SSBP2: variants seen among roughly 807,000 people sequenced by gnomAD.
SSBP2 encodes the protein single stranded DNA binding protein 2, also known as single-stranded DNA-binding protein 2.
SSBP2 carries 17 observed loss-of-function variants against 61.8 expected under a neutral mutation model. The observed-to-expected ratio is 0.28, with a 90% CI of 0.19 to 0.41. The LOEUF is 0.41. Among genes scored for constraint, SSBP2 ranks in the 10% least tolerant of loss-of-function variants. SSBP2 has a pLI of 1.00. For synonymous variants in SSBP2, 139 were observed against 141.3 expected (o/e 0.98, Z 0.12); for missense variants, 310 against 458.7 (o/e 0.68, Z 2.96).
At chr5:81,699,656 T>TC (rs1753830515) in intron 1 of SSBP2, among the ~76,000 whole-genome samples, 1 of 152,140 alleles carries the variant, frequency 6.6e-6, no homozygotes. Flanking sequence ...CTTGAAACCC[T>TC]CCAAGTCATC....
chr5:81,652,755 AT>A (rs59159556), intron 1 of SSBP2, among the ~76,000 whole-genome samples: 15,439 of 148,004 alleles, frequency 0.1, 2,022 homozygotes, highest in African/African-American at 0.31. Context: ...GCAATCTCCA[AT>A]TTTTTTTTTT....
intron 4 of SSBP2, chr5:81,615,249 A>C: frequency 2.5e-6 from 1 of 398,566 alleles, no homozygotes. Flanking sequence ...AAATTTCTTT[A>C]ATAGCTTAGA....
At position 81,556,479 on chromosome 5, in the gene SSBP2, G is replaced by C. The variant is rs185554417; in HGVS notation, c.283-42762C>G. 9.2e-4 allele frequency among the ~76,000 whole-genome samples: 140 copies of C among 152,234 alleles called. 1 individual carries two copies. Among genetic ancestry groups the C allele is most frequent in the African/African-American group, 3.1e-3 (128 of 41,564 alleles). On this transcript the variant is annotated intron_variant, in intron 4 of 16. Transcript: ENST00000320672. ...ATTTTAGTCCCTGTTTCGAATCCATGAAAGAGAAATTGATATTGAAGGAGT... is the reference window on the plus strand; with the variant it reads ...ATTTTAGTCCCTGTTTCGAATCCATCAAAGAGAAATTGATATTGAAGGAGT...
At position 81,413,819 on chromosome 5, in the gene SSBP2, TTTGAA is replaced by T. The variant is rs2153866636; in HGVS notation, c.*6680_*6684del. On this transcript the variant is annotated 3_prime_UTR_variant, in exon 17 of 17. Coordinates refer to ENST00000320672, the MANE Select transcript of SSBP2 (RefSeq NM_012446.5). ...CAAATTATGGTAACTGTACAGATTA[TTTGAA>T]TTGTTTTTTAATAAGTAGATGGCCA... is the stretch of plus-strand genomic sequence containing the variant. 1 of 152,292 alleles carries T rather than the reference TTTGAA, an allele frequency of 6.6e-6. No homozygotes were observed. Among genetic ancestry groups the T allele is most frequent in the African/African-American group, 2.4e-5 (1 of 41,576 alleles). The allele number at this position is 152,292 out of a possible 1,614,324, so 9.4% of individuals were successfully genotyped here.
At chr5:81,488,059 A>ATATTATATATATACATATATATAT (rs1561459572) in intron 6 of SSBP2, among the ~76,000 whole-genome samples, 1 of 65,328 alleles carries the variant, frequency 1.5e-5, no homozygotes, top group Non-Finnish European at 2.8e-5. Context: ...ATATATATAT[A>ATATTATATATATACATATATATAT]AATAAAATAT....
chr5:81,454,690 T>A (rs547842710), intron 10 of SSBP2, among the ~76,000 whole-genome samples: 13 of 149,306 alleles, frequency 8.7e-5, no homozygotes, highest in South Asian at 2.1e-4. Context: ...CAAAAAAAAA[T>A]AATAGAACAA....
In SSBP2 at chr5:81,461,106, A is replaced by G. The variant is rs968587644; in HGVS notation, c.639-3T>C. The G allele has an allele frequency of 6.3e-7, 1 of 1,586,870 alleles. No individual in the cohort carries two copies. The highest frequency in any genetic ancestry group is 1.3e-5 in the African/African-American group (1 of 74,268). On this transcript the variant is annotated splice_polypyrimidine_tract_variant and splice_region_variant and intron_variant, in intron 9 of 16. Transcript: ENST00000320672. ...AAGGTCTACCACCACCTGGACCCCTACAAAACAATTTGATAAATGAAATTT... is the reference window on the plus strand; with the variant it reads ...AAGGTCTACCACCACCTGGACCCCTGCAAAACAATTTGATAAATGAAATTT...
At chr5:81,584,274 T>C (rs903143241) in intron 4 of SSBP2, among the ~76,000 whole-genome samples, 2 of 152,190 alleles carry the variant, frequency 1.3e-5, no homozygotes, top group African/African-American at 4.8e-5. Context: ...TTAATAGTCC[T>C]AGTAATACGC....
intron 6 of SSBP2, among the ~76,000 whole-genome samples, chr5:81,479,006 A>G (rs1765788473): frequency 6.6e-6 from 1 of 152,168 alleles, no homozygotes; most frequent in African/African-American, 2.4e-5. Context: ...ACCAACATCA[A>G]ATTGGTTTTC....
intron 4 of SSBP2, among the ~76,000 whole-genome samples, chr5:81,516,893 C>A (rs928726965): frequency 3.9e-5 from 6 of 152,078 alleles, no homozygotes; most frequent in Non-Finnish European, 1.5e-5. Context: ...AAGCTAACTT[C>A]CAAAACTCAT....
At chr5:81,727,196 T>C (rs754308155) in intron 1 of SSBP2, among the ~76,000 whole-genome samples, 3 of 152,226 alleles carry the variant, frequency 2.0e-5, no homozygotes, top group Non-Finnish European at 4.4e-5. Flanking sequence ...GTCTGTTGCA[T>C]TGCCTATAAA....
intron 9 of SSBP2, 111 bp downstream of exon 9, chr5:81,466,863 T>A (rs758062261): frequency 2.3e-5 from 14 of 613,648 alleles, no homozygotes; most frequent in Non-Finnish European, 3.0e-5. Flanking sequence ...ATTAACGTCA[T>A]TTTAGAGGCC....
chr5:81,737,565 G>A (rs144531561), intron 1 of SSBP2, among the ~76,000 whole-genome samples: 76 of 151,908 alleles, frequency 5.0e-4, no homozygotes, highest in African/African-American at 1.8e-3. Context: ...GGCGGATCAC[G>A]AGGTCAGGAG....
chr5:81,560,810 G>A (rs1772985406), intron 4 of SSBP2, among the ~76,000 whole-genome samples: 1 of 152,010 alleles, frequency 6.6e-6, no homozygotes, highest in African/African-American at 2.4e-5. Context: ...TATATTTAAG[G>A]TATAGATTTA....
intron 1 of SSBP2, among the ~76,000 whole-genome samples, chr5:81,744,050 A>G (rs906278119): frequency 2.0e-5 from 3 of 152,226 alleles, no homozygotes; most frequent in East Asian, 3.8e-4. Context: ...TGTTTCTTCC[A>G]TAACATTAAG....
intron 15 of SSBP2, among the ~76,000 whole-genome samples, chr5:81,431,106 G>T (rs1762256322): frequency 6.6e-6 from 1 of 152,172 alleles, no homozygotes; most frequent in South Asian, 2.1e-4. Context: ...AGGTGGTAAT[G>T]AATTGTGTGT....
intron 8 of SSBP2, among the ~76,000 whole-genome samples, chr5:81,469,225 G>A (rs1765090725): frequency 6.6e-6 from 1 of 151,840 alleles, no homozygotes; most frequent in East Asian, 1.9e-4. Context: ...TTCTCCCAAT[G>A]ATACCCTGAT....
chr5:81,542,835 C>CTT (rs1446005686), intron 4 of SSBP2, among the ~76,000 whole-genome samples: 14 of 149,348 alleles, frequency 9.4e-5, no homozygotes, highest in Non-Finnish European at 1.6e-4. Context: ...CTCTCTCTCT[C>CTT]TCTCTCTCTC....
intron 4 of SSBP2, among the ~76,000 whole-genome samples, chr5:81,587,747 GCACA>G (rs952367728): frequency 7.8e-6 from 1 of 128,230 alleles, no homozygotes; most frequent in Non-Finnish European, 1.6e-5. Context: ...ACACACACAC[GCACA>G]CACACGCGCG....
Sources: allele counts gnomAD v4.1 joint callset (sites outside exome capture counted in the v4.1 genomes callset), GRCh38; gene constraint gnomAD v4.1.1; transcripts MANE v1.5; gene names NCBI Gene and HGNC (gene_info 2026-07-23, HGNC 2026-07-21).